Variants in MRO observed in about 807,000 individuals in gnomAD.
MRO encodes protein maestro.
Under a neutral mutation model 31.0 loss-of-function variants are expected in MRO, and 28 were observed. The ratio of observed to expected loss-of-function variants is 0.90; its 90% CI spans 0.67 to 1.24. The LOEUF (loss-of-function observed/expected upper bound fraction) is 1.24. MRO is among the 50% of genes most tolerant of loss of function. MRO has a pLI of 0.00. For synonymous variants in MRO, 108 were observed against 108.4 expected (o/e 1.00, Z 0.02); for missense variants, 332 against 289.2 (o/e 1.15, Z -1.07).
chr18:50,809,312 A>G lies in MRO; in HGVS notation c.89T>C (p.Phe30Ser), dbSNP rs775138994. Residue 30 changes from phenylalanine (F) to serine (S), a missense_variant, in exon 3 of 8, where the codon TTC becomes TCC. Physicochemically the swap from Phe to Ser is radical, Grantham distance 155. Coordinates refer to ENST00000398439, the MANE Select transcript of MRO (RefSeq NM_031939.6). ...TATTTTGTGTCAGACCTTGGAAAAG[A>G]AAGATATCATTGATGTCCTTTTCTG... ...PKQKRTSMIS[F>S]FSKVSWKLRF... 18 of 1,612,726 alleles carry G rather than the reference A, an allele frequency of 1.1e-5. No homozygotes were observed. Among genetic ancestry groups the G allele is most frequent in the Non-Finnish European group, 5.9e-6 (7 of 1,179,128 alleles).
chr18:50,818,746 C>T (rs1801795272), intron 2 of MRO, among the ~76,000 whole-genome samples: 1 of 152,166 alleles, frequency 6.6e-6, no homozygotes, highest in African/African-American at 2.4e-5. Flanking sequence ...CCTTCCAACA[C>T]TGAACTTATA....
Position 50,799,283 on chromosome 18 carries a change from A to G in MRO, c.*54T>C. 1 of 1,462,580 alleles carries G rather than the reference A, an allele frequency of 6.8e-7. No individual in the cohort carries two copies. The highest frequency in any genetic ancestry group is 1.4e-5 in the African/African-American group (1 of 71,854). 90.6% of individuals were successfully genotyped at this position (1,462,580 alleles called of 1,614,324 possible). A position where few individuals can be genotyped will look rare whatever the true frequency, so the allele number is the denominator to read the frequency against. ...GCATCCAGTGAGATAAAACAGGGGA[A>G]CATGATGGCTCAGCAATGCACTCAT... On this transcript the variant is annotated 3_prime_UTR_variant, in exon 8 of 8. Transcript: ENST00000398439.
chr18:50,802,474 G>A (rs1033387373), intron 5 of MRO, among the ~76,000 whole-genome samples: 10 of 152,124 alleles, frequency 6.6e-5, no homozygotes, highest in African/African-American at 2.4e-4. Flanking sequence ...AGCCAGTATA[G>A]TAACCTAAAC....
chr18:50,805,012 G>A (rs947472449), intron 5 of MRO, 142 bp downstream of exon 5: 14 of 611,584 alleles, frequency 2.3e-5, no homozygotes, highest in African/African-American at 4.0e-5. Context: ...GGATGGTCTC[G>A]ATCTCCTGAC....
intron 4 of MRO, 101 bp from the exon 5 acceptor site, chr18:50,805,437 T>C (rs1298661725): frequency 1.1e-6 from 1 of 910,408 alleles, no homozygotes; most frequent in East Asian, 2.5e-5. Context: ...GGACTTGAAC[T>C]AACACACCAG....
Position 50,799,353 on chromosome 18 carries a change from G to A in MRO, c.731C>T (p.Ala244Val). ...YHPEILQFFY[A>V]NKIL ...GCTCTGCGCTTACAGAATTTTATTTGCGTAGAAGAACTGCAGGATCTCTGG... is the reference window on the plus strand; with the variant it reads ...GCTCTGCGCTTACAGAATTTTATTTACGTAGAAGAACTGCAGGATCTCTGG... Residue 244 changes from alanine (A) to valine (V), a missense_variant, in exon 8 of 8, where the codon GCA becomes GTA. Physicochemically the swap from Ala to Val is moderately conservative, Grantham distance 64 (BLOSUM62 0). Coordinates refer to ENST00000398439, the MANE Select transcript of MRO (RefSeq NM_031939.6). 6.2e-7 allele frequency: 1 copy of A among 1,613,958 alleles called. No homozygotes were observed. Among genetic ancestry groups the A allele is most frequent in the Non-Finnish European group, 8.5e-7 (1 of 1,179,874 alleles).
chr18:50,807,973 C>T (rs996913583), intron 3 of MRO, among the ~76,000 whole-genome samples: 2 of 152,210 alleles, frequency 1.3e-5, no homozygotes, highest in Non-Finnish European at 1.5e-5. Flanking sequence ...GTGATCCCAG[C>T]TACTTGGGAG....
Position 50,802,017 on chromosome 18 carries a change from T to C in MRO, c.430-513A>G, listed in dbSNP as rs190933371. On this transcript the variant is annotated intron_variant, in intron 5 of 7. Coordinates refer to ENST00000398439, the MANE Select transcript of MRO (RefSeq NM_031939.6). ...TATATCACATAATCCTTTCCCTCTT[T>C]TTTACATAATGGAAGCACATGCCAC... 4.3e-3 allele frequency among the ~76,000 whole-genome samples: 651 copies of C among 152,358 alleles called. 4 individuals are homozygous for C. Among genetic ancestry groups the C allele is most frequent in the Non-Finnish European group, 6.1e-3 (414 of 68,026 alleles).
At chr18:50,808,472 A>C (rs375521602) in intron 3 of MRO, among the ~76,000 whole-genome samples, 1 of 60,176 alleles carries the variant, frequency 1.7e-5, no homozygotes, top group Non-Finnish European at 3.9e-5. Flanking sequence ...TTTTTTTTTT[A>C]ATTTAAGACA....
chr18:50,807,844 G>C (rs1177957882), intron 3 of MRO, among the ~76,000 whole-genome samples: 1 of 152,216 alleles, frequency 6.6e-6, no homozygotes, highest in Non-Finnish European at 1.5e-5. Context: ...TTGGGAGGCC[G>C]AGGCAGGCGG....
chr18:50,812,762 A>G (rs1216545727), intron 2 of MRO, among the ~76,000 whole-genome samples: 1 of 152,154 alleles, frequency 6.6e-6, no homozygotes, highest in East Asian at 1.9e-4. Context: ...TTTTTTTAAT[A>G]GGAGAGATGG....
Position 50,800,071 on chromosome 18 carries a change from C to T in MRO, c.658G>A (p.Glu220Lys). ...TAGAGCTTAGTGTTCCTTTGATCTTCTTCACTCTGGAAGCTGTATTCCTCC... is the reference window on the plus strand; with the variant it reads ...TAGAGCTTAGTGTTCCTTTGATCTTTTTCACTCTGGAAGCTGTATTCCTCC... ...LKEEYSFQSE[E>K]DQRNTKLYQQ... The change falls in exon 7 of 8, where the codon GAA becomes AAA. Residue 220 changes from glutamate (E) to lysine (K), a missense_variant. Physicochemically the swap from Glu to Lys is moderately conservative, Grantham distance 56. Transcript: ENST00000398439. The T allele has an allele frequency of 6.2e-7, 1 of 1,613,836 alleles. No individual in the cohort carries two copies. Among genetic ancestry groups the T allele is most frequent in the Non-Finnish European group, 8.5e-7 (1 of 1,179,814 alleles).
chr18:50,809,348 G>C lies in MRO; in HGVS notation c.53C>G (p.Ser18Cys). Reference protein sequence around the residue: ...ILGQPLSIPTSQPKQKRTSMI... With the variant: ...ILGQPLSIPTCQPKQKRTSMI... ...TGATGTCCTTTTCTGCTTGGGCTGG[G>C]AAGTAGGGATGGAAAGGGGCTGGCC... Residue 18 changes from serine to cysteine, a missense_variant, in exon 3 of 8, where the codon TCC becomes TGC. By Grantham distance (112) the Ser-to-Cys change is moderately radical. Coordinates refer to ENST00000398439, the MANE Select transcript of MRO (RefSeq NM_031939.6). 6.2e-7 allele frequency: 1 copy of C among 1,613,820 alleles called. No individual in the cohort carries two copies. Among genetic ancestry groups the C allele is most frequent in the Non-Finnish European group, 8.5e-7 (1 of 1,179,902 alleles).
At chr18:50,815,860 C>A (rs189371703) in intron 2 of MRO, 72 of 174,808 alleles carry the variant, frequency 4.1e-4, no homozygotes, top group African/African-American at 1.6e-3. Context: ...ATGGTGAAAC[C>A]CCGTCTCTAC....
At chr18:50,815,557 T>A (rs1258572242) in intron 2 of MRO, 2 of 301,830 alleles carry the variant, frequency 6.6e-6, no homozygotes, top group East Asian at 1.7e-4. Context: ...ATGGTTACAT[T>A]GAAATTTTGG....
In MRO at chr18:50,797,072, A is replaced by G. The variant is rs985098704; in HGVS notation, c.*2265T>C. 3.9e-5 allele frequency: 6 copies of G among 152,242 alleles called. No homozygotes were observed. Among genetic ancestry groups the G allele is most frequent in the Non-Finnish European group, 7.3e-5 (5 of 68,044 alleles). 9.4% of individuals were successfully genotyped at this position (152,242 alleles called of 1,614,324 possible). A position where few individuals can be genotyped will look rare whatever the true frequency, so the allele number is the denominator to read the frequency against. On this transcript the variant is annotated 3_prime_UTR_variant, in exon 8 of 8. Coordinates refer to ENST00000398439, the MANE Select transcript of MRO (RefSeq NM_031939.6). ...TGACAAATTATCCCAAAGGTTAATG[A>G]CTTAAAACAACAATCATTTGATTCT...
intron 2 of MRO, among the ~76,000 whole-genome samples, chr18:50,810,076 CT>C (rs1162184036): frequency 5.9e-5 from 9 of 152,204 alleles, no homozygotes; most frequent in Admixed American, 5.9e-4. Flanking sequence ...AGCAGTCCCC[CT>C]GCCTCAGCCT....
At chr18:50,825,297 G>C (rs148269443) in intron 1 of MRO, 6 of 152,294 alleles carry the variant, frequency 3.9e-5, no homozygotes, top group African/African-American at 1.2e-4. Flanking sequence ...AAACTGTTCT[G>C]TGCTGTCTTA....
intron 5 of MRO, among the ~76,000 whole-genome samples, chr18:50,801,995 A>G (rs1297051614): frequency 1.3e-5 from 2 of 152,236 alleles, no homozygotes; most frequent in Non-Finnish European, 2.9e-5. Context: ...AAAGATGTAT[A>G]TCACATAATC....
Sources: allele counts gnomAD v4.1 joint callset (sites outside exome capture counted in the v4.1 genomes callset), GRCh38; gene constraint gnomAD v4.1.1; transcripts MANE v1.5; gene names NCBI Gene and HGNC (gene_info 2026-07-23, HGNC 2026-07-21).